PIAS2: variants seen among roughly 807,000 people sequenced by gnomAD.
The protein encoded by PIAS2 is protein inhibitor of activated STAT 2.
A neutral mutation model predicts 69.7 loss-of-function variants in PIAS2; 19 were observed. The ratio of observed to expected loss-of-function variants is 0.27; its 90% CI spans 0.19 to 0.40. PIAS2 has a LOEUF of 0.40. Among genes scored for constraint, PIAS2 ranks in the 10% least tolerant of loss-of-function variants. The probability of loss-of-function intolerance (pLI) is 1.00; values close to 1 mark genes in which losing one functional copy is unlikely to be tolerated. For synonymous variants in PIAS2, 261 were observed against 263.2 expected (o/e 0.99, Z 0.08); for missense variants, 624 against 757.0 (o/e 0.82, Z 2.06).
intron 12 of PIAS2, chr18:46,816,959 T>C: frequency 2.1e-6 from 2 of 934,692 alleles, no homozygotes; most frequent in Non-Finnish European, 1.3e-6. Context: ...TCCCTTCTTA[T>C]GCCAAACAAT....
At chr18:46,910,296 G>A (rs1053787792) in intron 1 of PIAS2, among the ~76,000 whole-genome samples, 1 of 152,188 alleles carries the variant, frequency 6.6e-6, no homozygotes, top group Non-Finnish European at 1.5e-5. Context: ...CAGTGGATGT[G>A]ATCAGGAAAG....
chr18:46,916,950 T>C (rs2058008922), intron 1 of PIAS2: 2 of 985,464 alleles, frequency 2.0e-6, no homozygotes, highest in Non-Finnish European at 2.4e-6. Context: ...CACAGACACG[T>C]ACACCCCGGT....
chr18:46,876,992 G>A (rs963146809), intron 2 of PIAS2, among the ~76,000 whole-genome samples: 5 of 152,140 alleles, frequency 3.3e-5, no homozygotes, highest in African/African-American at 4.8e-5. Flanking sequence ...GAGCCACAGT[G>A]CCCGGCCTCC....
chr18:46,827,841 A>G (rs2043034700), intron 11 of PIAS2, 118 bp downstream of exon 11: 2 of 865,066 alleles, frequency 2.3e-6, no homozygotes, highest in South Asian at 5.1e-5. Context: ...AACTCAACAA[A>G]GGCAAATTAA....
chr18:46,896,165 C>CAAAAAAAAAAAAAAAA (rs1199712335), intron 1 of PIAS2, among the ~76,000 whole-genome samples: 1 of 31,948 alleles, frequency 3.1e-5, no homozygotes, highest in Non-Finnish European at 6.2e-5. Flanking sequence ...AAGAAAAAAG[C>CAAAAAAAAAAAAAAAA]AAAAAAAAAA....
At chr18:46,877,145 T>C (rs2051349185) in intron 2 of PIAS2, among the ~76,000 whole-genome samples, 1 of 152,222 alleles carries the variant, frequency 6.6e-6, no homozygotes, top group African/African-American at 2.4e-5. Context: ...GCACAAAGGC[T>C]TATTGAAACA....
rs1244439095 is a variant in PIAS2, at chr18:46,807,353, TTTTA to T, written c.*5076_*5079del. On this transcript the variant is annotated 3_prime_UTR_variant, in exon 14 of 14. Transcript: ENST00000585916. ...GTAGGTGTTTCTGAAACATGTCAGA[TTTTA>T]TATATATATATATATATATATATAT... is the stretch of plus-strand genomic sequence containing the variant. The T allele has an allele frequency of 4.7e-5, 3 of 64,478 alleles. 1 individual carries two copies. Among genetic ancestry groups the T allele is most frequent in the South Asian group, 1.1e-3 (2 of 1,904 alleles). 4.0% of individuals were successfully genotyped at this position (64,478 alleles called of 1,614,324 possible).
intron 8 of PIAS2, among the ~76,000 whole-genome samples, chr18:46,842,727 G>A (rs1312005026): frequency 6.6e-6 from 1 of 152,136 alleles, no homozygotes; most frequent in African/African-American, 2.4e-5. Context: ...CTGAAGGTTT[G>A]CATAGAGCCT....
chr18:46,874,887 A>G (rs900093241), intron 2 of PIAS2, among the ~76,000 whole-genome samples: 2 of 152,136 alleles, frequency 1.3e-5, no homozygotes, highest in African/African-American at 4.8e-5. Context: ...CAGCTTGGGA[A>G]GGACCCTATC....
chr18:46,812,551 A>T lies in PIAS2; in HGVS notation c.1748T>A (p.Val583Asp), dbSNP rs1254575043. 1.2e-6 allele frequency: 2 copies of T among 1,613,320 alleles called. No homozygotes were observed. The highest frequency in any genetic ancestry group is 8.5e-7 in the Non-Finnish European group (1 of 1,179,316). ...GCTTTCATGGGAGCTGGTGGTGGTG[A>T]CAGACGTACTGCTTGCTGTTAAGGG... is the stretch of plus-strand genomic sequence containing the variant. ...TSPLTASSTS[V>D]TTTSSHESST... The change falls in exon 14 of 14, where the codon GTC becomes GAC. Residue 583 changes from valine to aspartate, a missense_variant. Val to Asp is a radical substitution (Grantham distance 152). Coordinates refer to ENST00000585916, the MANE Select transcript of PIAS2 (RefSeq NM_004671.5).
intron 1 of PIAS2, among the ~76,000 whole-genome samples, chr18:46,895,129 A>G (rs2054646098): frequency 6.6e-6 from 1 of 152,080 alleles, no homozygotes; most frequent in Non-Finnish European, 1.5e-5. Context: ...GTTACATGTA[A>G]TCACCAGTGA....
At chr18:46,905,763 A>C (rs2056518317) in intron 1 of PIAS2, 1 of 152,212 alleles carries the variant, frequency 6.6e-6, no homozygotes, top group African/African-American at 2.4e-5. Flanking sequence ...AAATATGAAC[A>C]GTCCTACAAC....
At chr18:46,838,780 A>G (rs762216616) in intron 8 of PIAS2, among the ~76,000 whole-genome samples, 4 of 152,220 alleles carry the variant, frequency 2.6e-5, no homozygotes, top group Non-Finnish European at 5.9e-5. Flanking sequence ...AGGCTACAAG[A>G]GGTTAAAACC....
rs2040640675 is a variant in PIAS2 at position 46,805,408 on chromosome 18, C to A, written c.*7025G>T. 1 of 152,222 alleles carries A rather than the reference C, an allele frequency of 6.6e-6. No individual in the cohort carries two copies. The highest frequency in any genetic ancestry group is 2.4e-5 in the African/African-American group (1 of 41,438). 9.4% of individuals were successfully genotyped at this position (152,222 alleles called of 1,614,324 possible). A position where few individuals can be genotyped will look rare whatever the true frequency, so the allele number is the denominator to read the frequency against. On this transcript the variant is annotated 3_prime_UTR_variant, in exon 14 of 14. Transcript: ENST00000585916. The stretch of plus-strand genomic sequence containing the variant: ...GACCAGAATCAAGGAAGGCAAGGAA[C>A]ACTGTGAGTCAAAGCTTCCAGCAAA...
intron 2 of PIAS2, among the ~76,000 whole-genome samples, chr18:46,866,903 G>A (rs796610070): frequency 7.2e-5 from 11 of 152,268 alleles, no homozygotes; most frequent in African/African-American, 2.6e-4. Context: ...GACCCTCTGT[G>A]AATTCACGAA....
chr18:46,899,815 G>A (rs990236628), intron 1 of PIAS2, among the ~76,000 whole-genome samples: 1 of 151,198 alleles, frequency 6.6e-6, no homozygotes, highest in Non-Finnish European at 1.5e-5. Flanking sequence ...ATGTGGGGAG[G>A]GAGGTAGTCA....
intron 8 of PIAS2, among the ~76,000 whole-genome samples, chr18:46,840,945 G>C (rs2045292366): frequency 6.6e-6 from 1 of 151,014 alleles, no homozygotes; most frequent in Admixed American, 6.6e-5. Flanking sequence ...GCCCAAAATG[G>C]TGGTTTCCAA....
chr18:46,843,086 T>C (rs1252355505), intron 8 of PIAS2, among the ~76,000 whole-genome samples: 1 of 152,148 alleles, frequency 6.6e-6, no homozygotes, highest in Non-Finnish European at 1.5e-5. Flanking sequence ...AACACTACAA[T>C]CTTTATCCTT....
chr18:46,866,969 A>G (rs1281423180), intron 2 of PIAS2, among the ~76,000 whole-genome samples: 2 of 152,200 alleles, frequency 1.3e-5, no homozygotes, highest in Admixed American at 6.5e-5. Context: ...CCTACCCTGA[A>G]AAGTTTCCAA....
Sources: gnomAD v4.1 joint callset for allele counts (sites outside exome capture counted in the v4.1 genomes callset) on GRCh38, gnomAD v4.1.1 for gene constraint, MANE v1.5 for transcripts, NCBI Gene and HGNC (gene_info 2026-07-23, HGNC 2026-07-21) for gene names.